Variants in RIC1 observed in about 807,000 individuals in gnomAD.
RIC1 encodes RIC1 partner of RAB6A GEF complex.
RIC1 carries 88 observed loss-of-function variants against 169.0 expected under a neutral mutation model. That is an observed-to-expected ratio of 0.52 (90% CI 0.44 to 0.62). The LOEUF is 0.62. Ranked by LOEUF, RIC1 falls within the 20% of genes least tolerant of loss-of-function variation. The pLI is 0.00. For missense variants in RIC1, 1,877 were observed against 1,725.5 expected (o/e 1.09, Z -1.56); for synonymous variants, 790 against 601.5 (o/e 1.31, Z -4.59).
At chr9:5,777,851 A>C (rs1827672271), downstream of RIC1, among the ~76,000 whole-genome samples, 1 of 152,160 alleles carries the variant, frequency 6.6e-6, no homozygotes, top group Admixed American at 6.6e-5. Flanking sequence ...TGCCAATACC[A>C]CATTGCCTTG....
chr9:5,683,178 A>G (rs1365516231), intron 2 of RIC1, among the ~76,000 whole-genome samples: 2 of 152,108 alleles, frequency 1.3e-5, no homozygotes, highest in Non-Finnish European at 2.9e-5. Context: ...GCTTTGTTAC[A>G]TTGTTTGTGA....
At chr9:5,641,805 A>G (rs1818264410) in intron 1 of RIC1, among the ~76,000 whole-genome samples, 1 of 143,796 alleles carries the variant, frequency 7.0e-6, no homozygotes, top group Non-Finnish European at 1.5e-5. Flanking sequence ...AATGTGATAG[A>G]ATTCTGAGGT....
intron 23 of RIC1, among the ~76,000 whole-genome samples, chr9:5,771,099 C>T (rs983024670): frequency 1.3e-5 from 2 of 152,112 alleles, no homozygotes; most frequent in Non-Finnish European, 1.5e-5. Flanking sequence ...ACAGCTTAAC[C>T]GTTTTTAAGC....
intron 16 of RIC1, 116 bp downstream of exon 16, chr9:5,756,488 T>G: frequency 1.5e-6 from 1 of 670,544 alleles, no homozygotes; most frequent in South Asian, 5.5e-5. Flanking sequence ...TTGTTTTTGT[T>G]AGAGGTAAAA....
intron 6 of RIC1, among the ~76,000 whole-genome samples, chr9:5,726,109 G>A (rs1205249309): frequency 1.3e-5 from 2 of 152,140 alleles, no homozygotes; most frequent in Non-Finnish European, 2.9e-5. Context: ...GGATACCCTT[G>A]TTAACTTTCT....
chr9:5,717,746 G>A (rs1395406072), intron 4 of RIC1, among the ~76,000 whole-genome samples: 1 of 151,854 alleles, frequency 6.6e-6, no homozygotes, highest in Non-Finnish European at 1.5e-5. Context: ...TCAGGAGGCT[G>A]AGGCAGGAGA....
chr9:5,695,945 G>T (rs1821878309), intron 3 of RIC1, among the ~76,000 whole-genome samples: 1 of 151,542 alleles, frequency 6.6e-6, no homozygotes. Context: ...ACATGCTATT[G>T]CTTTGCTAAA....
chr9:5,688,488 A>G (rs544007033), intron 2 of RIC1, among the ~76,000 whole-genome samples: 154 of 152,192 alleles, frequency 1.0e-3, no homozygotes, highest in Admixed American at 3.1e-3. Flanking sequence ...AACCTTTGTT[A>G]TGATTTGATT....
intron 21 of RIC1, among the ~76,000 whole-genome samples, chr9:5,767,304 A>G (rs1045352358): frequency 2.6e-5 from 4 of 152,222 alleles, no homozygotes; most frequent in African/African-American, 9.6e-5. Flanking sequence ...TGAAACTGCT[A>G]TCACCCATAG....
chr9:5,740,730 G>T (rs900397433), intron 8 of RIC1, among the ~76,000 whole-genome samples: 13 of 151,754 alleles, frequency 8.6e-5, no homozygotes, highest in African/African-American at 2.9e-4. Context: ...TGCCCACCCA[G>T]ATTAAGGGTG....
At chr9:5,683,419 G>C (rs10815269) in intron 2 of RIC1, among the ~76,000 whole-genome samples, 50,092 of 152,030 alleles carry the variant, frequency 0.33, 8,827 homozygotes, top group East Asian at 0.61. Flanking sequence ...CACTCCAGAC[G>C]CTGTTTGCCT....
intron 2 of RIC1, among the ~76,000 whole-genome samples, chr9:5,670,354 G>T (rs975562819): frequency 7.9e-5 from 12 of 152,030 alleles, no homozygotes; most frequent in Admixed American, 7.2e-4. Flanking sequence ...ATGCTCTTAG[G>T]GGAAAAAAAA....
rs751215810 is a variant in RIC1, at chr9:5,774,194, CAGAGGAGGA to C, written c.4224_4232del (p.Glu1409_Glu1411del). ...CGGAAAGAGGAGGACACAGCCCAAG[CAGAGGAGGA>C]AGAACCTTTTCAGGATGGGACTTAC... On this transcript the variant is annotated inframe_deletion, in exon 26 of 26. Coordinates refer to ENST00000414202, the MANE Select transcript of RIC1 (RefSeq NM_020829.4). The C allele has an allele frequency of 3.1e-6, 5 of 1,613,860 alleles. No individual in the cohort carries two copies. In the Admixed American group the frequency reaches 8.3e-5, roughly 27 times the overall value.
At chr9:5,633,432 G>A (rs1419435619) in intron 1 of RIC1, among the ~76,000 whole-genome samples, 3 of 152,042 alleles carry the variant, frequency 2.0e-5, no homozygotes, top group Non-Finnish European at 4.4e-5. Context: ...CTCCCTTCTT[G>A]GAATGCTCTC....
At chr9:5,772,445 C>T (rs1827285816) in intron 23 of RIC1, 119 bp from the exon 24 acceptor site, 1 of 754,604 alleles carries the variant, frequency 1.3e-6, no homozygotes. Flanking sequence ...CCATGGATTT[C>T]ATGTTTTAGT....
At chr9:5,672,752 A>AGTAC (rs1339437188) in intron 2 of RIC1, among the ~76,000 whole-genome samples, 37 of 152,186 alleles carry the variant, frequency 2.4e-4, no homozygotes, top group African/African-American at 7.7e-4. Flanking sequence ...ATGTGGAAAA[A>AGTAC]GTTTAATGAA....
intron 1 of RIC1, among the ~76,000 whole-genome samples, chr9:5,634,365 C>T (rs1200745888): frequency 6.6e-6 from 1 of 152,126 alleles, no homozygotes; most frequent in Non-Finnish European, 1.5e-5. Context: ...GGAGGGGATC[C>T]CTTTTCTCCA....
chr9:5,697,952 A>G (rs1822002401), intron 3 of RIC1, among the ~76,000 whole-genome samples: 3 of 152,226 alleles, frequency 2.0e-5, no homozygotes, highest in African/African-American at 2.4e-5. Flanking sequence ...TTAGTTGTCA[A>G]GGGAAGTTTT....
Position 5,697,158 on chromosome 9 carries a change from G to A in RIC1, c.332+7120G>A, listed in dbSNP as rs574307628. Among the ~76,000 whole-genome samples, 5 of 152,272 alleles carry A rather than the reference G, an allele frequency of 3.3e-5. 1 individual carries two copies. The highest frequency in any genetic ancestry group is 2.6e-4 in the Admixed American group (4 of 15,304). ...GGTTTCTAGAGCTTTTCTCTGTGTGGCTCCCACATCACTGGTGCTCTGCTT... is the reference window on the plus strand; with the variant it reads ...GGTTTCTAGAGCTTTTCTCTGTGTGACTCCCACATCACTGGTGCTCTGCTT... On this transcript the variant is annotated intron_variant, in intron 3 of 25. Transcript: ENST00000414202.
Sources: gnomAD v4.1 joint callset for allele counts (sites outside exome capture counted in the v4.1 genomes callset) on GRCh38, gnomAD v4.1.1 for gene constraint, MANE v1.5 for transcripts, NCBI Gene and HGNC (gene_info 2026-07-23, HGNC 2026-07-21) for gene names.